Variants in PITPNM2 observed in about 807,000 individuals in gnomAD.
The protein encoded by PITPNM2 is phosphatidylinositol transfer protein membrane associated 2.
PITPNM2 carries 35 observed loss-of-function variants against 132.2 expected under a neutral mutation model. The observed-to-expected ratio is 0.26, with a 90% CI of 0.20 to 0.35. PITPNM2 has a LOEUF of 0.35. Ranked by LOEUF, PITPNM2 falls within the 10% of genes least tolerant of loss-of-function variation. The pLI, the probability that PITPNM2 is intolerant of heterozygous loss-of-function variation, is 1.00. For missense variants in PITPNM2, 1,332 were observed against 1,912.0 expected (o/e 0.70, Z 5.66); for synonymous variants, 738 against 799.2 (o/e 0.92, Z 1.29).
At position 123,028,167 on chromosome 12, in the gene PITPNM2, C is replaced by T. The variant is rs548787764; in HGVS notation, c.78+6346G>A. Among the ~76,000 whole-genome samples the T allele has an allele frequency of 3.2e-3, 487 of 152,348 alleles. 7 individuals carry two copies. Among genetic ancestry groups the T allele is most frequent in the Non-Finnish European group, 3.2e-3 (218 of 68,018 alleles). Reference sequence around the variant, plus strand: ...GTCCTGGCCAGGCCACCTCCGGCCACTCCCTCGGCGGCACACATTCGCTGA... The same window carrying T: ...GTCCTGGCCAGGCCACCTCCGGCCATTCCCTCGGCGGCACACATTCGCTGA... On this transcript the variant is annotated intron_variant, in intron 3 of 25. Transcript: ENST00000320201.
At position 123,001,173 on chromosome 12, in the gene PITPNM2, G is replaced by A. The variant is rs2038654097; in HGVS notation, c.1049-15C>T. 1 of 1,604,662 alleles carries A rather than the reference G, an allele frequency of 6.2e-7. No individual in the cohort carries two copies. Among genetic ancestry groups the A allele is most frequent in the African/African-American group, 1.3e-5 (1 of 74,762 alleles). On this transcript the variant is annotated splice_polypyrimidine_tract_variant and intron_variant, in intron 8 of 25. Transcript: ENST00000320201. ...GGACAGGTCCTCTGGAGAGGAGAGA[G>A]GGAAACTCAGGTGGGACTGGGAACG...
chr12:123,018,266 T>A (rs188550204), intron 3 of PITPNM2, among the ~76,000 whole-genome samples: 81 of 145,412 alleles, frequency 5.6e-4, no homozygotes, highest in African/African-American at 1.9e-3. Flanking sequence ...AATTTAATAA[T>A]TTTTAATTTC....
intron 3 of PITPNM2, among the ~76,000 whole-genome samples, chr12:123,020,157 G>A (rs1394008866): frequency 2.6e-5 from 4 of 152,146 alleles, no homozygotes; most frequent in Non-Finnish European, 4.4e-5. Context: ...GTCTGGCTCT[G>A]TCACCCAGGC....
chr12:122,986,329 C>A lies in PITPNM2; in HGVS notation c.3748G>T (p.Ala1250Ser), dbSNP rs756702018. 13 of 1,579,238 alleles carry A rather than the reference C, an allele frequency of 8.2e-6. No individual in the cohort carries two copies. Among genetic ancestry groups the A allele is most frequent in the Non-Finnish European group, 9.4e-6 (11 of 1,164,492 alleles). The change falls in exon 26 of 26, where the codon GCC (alanine) becomes TCC (serine). Residue 1250 changes from alanine (A) to serine (S), a missense_variant. This residue lies in a region of PITPNM2 where 163 missense variants were observed against 177.2 expected (regional missense o/e 0.92). Transcript: ENST00000320201. ...CTGTACTTCAGCTGCGCCAGGTGGG[C>A]CGCGTAGCCATCCGTGATGAACTGC... The part of the protein sequence containing the change: ...QCQFITDGYA[A>S]HLAQLKYSHR...
intron 17 of PITPNM2, 123 bp from the exon 18 acceptor site, chr12:122,990,071 G>T: frequency 1.2e-6 from 1 of 819,048 alleles, no homozygotes; most frequent in Non-Finnish European, 1.7e-6. Context: ...CGAGCCCATT[G>T]GCCCTCCTCA....
chr12:123,008,814 G>A lies in PITPNM2; in HGVS notation c.643+1036C>T, dbSNP rs758856528. Among the ~76,000 whole-genome samples, 1 of 152,182 alleles carries A rather than the reference G, an allele frequency of 6.6e-6. No homozygotes were observed. The highest frequency in any genetic ancestry group is 1.5e-5 in the Non-Finnish European group (1 of 68,036). Reference sequence around the variant, plus strand: ...CCATCGAGGCCCTGTCCACGTCTTCGCTTCTCCAAGTGGAAGACCGCGTCC... The same window carrying A: ...CCATCGAGGCCCTGTCCACGTCTTCACTTCTCCAAGTGGAAGACCGCGTCC... On this transcript the variant is annotated intron_variant, in intron 6 of 25. Transcript: ENST00000320201. The surrounding 1 kb of genome is among the most constrained non-coding windows in gnomAD (Gnocchi z 4.1).
Position 123,117,260 on chromosome 12 carries a change from C to T in PITPNM2, c.-199-6772G>A, listed in dbSNP as rs751579857. On this transcript the variant is annotated intron_variant, in intron 1 of 25. Coordinates refer to ENST00000320201, the MANE Select transcript of PITPNM2 (RefSeq NM_020845.3). The surrounding 1 kb of genome is among the most constrained non-coding windows in gnomAD (Gnocchi z 4.7). ...GAAGCCGGTGCTGAGTTTCAAACAG[C>T]GGTCGTGAGGCTGGGGAATTTCTCC... 2.0e-5 allele frequency among the ~76,000 whole-genome samples: 3 copies of T among 152,182 alleles called. No homozygotes were observed. Among genetic ancestry groups the T allele is most frequent in the Admixed American group, 1.3e-4 (2 of 15,280 alleles).
intron 3 of PITPNM2, among the ~76,000 whole-genome samples, chr12:123,015,248 A>G (rs2039373411): frequency 6.6e-6 from 1 of 152,204 alleles, no homozygotes; most frequent in Non-Finnish European, 1.5e-5. Flanking sequence ...AAAACAAAAC[A>G]AAACCAAGCT....
chr12:123,139,432 C>T (rs1388743490), intron 1 of PITPNM2, among the ~76,000 whole-genome samples: 15 of 150,202 alleles, frequency 1.0e-4, no homozygotes, highest in African/African-American at 3.2e-4. Context: ...ACCCGGGAGG[C>T]GGAGCTTGCA....
intron 8 of PITPNM2, among the ~76,000 whole-genome samples, chr12:123,002,592 T>C (rs2038745249): frequency 6.6e-6 from 1 of 152,156 alleles, no homozygotes; most frequent in African/African-American, 2.4e-5. Context: ...TTTTTATTTT[T>C]ATTTTTGTAG....
chr12:123,091,966 C>G (rs1593007544), intron 2 of PITPNM2: 1 of 152,472 alleles, frequency 6.6e-6, no homozygotes, highest in East Asian at 1.9e-4. Context: ...GAGGCCCCAG[C>G]ACAGCACTCA....
chr12:123,081,643 T>C (rs1168577510), intron 2 of PITPNM2: 1 of 152,030 alleles, frequency 6.6e-6, no homozygotes, highest in Non-Finnish European at 1.5e-5. Flanking sequence ...GAAAGGGAGG[T>C]AACTTCTCCA....
chr12:123,010,214 A>G (rs1367450970), intron 5 of PITPNM2, 137 bp from the exon 6 acceptor site: 2 of 697,526 alleles, frequency 2.9e-6, no homozygotes, highest in Non-Finnish European at 4.8e-6. Context: ...AGTGAGGATC[A>G]TGTTCTGGGC....
intron 2 of PITPNM2, among the ~76,000 whole-genome samples, chr12:123,079,953 A>G (rs919863835): frequency 6.6e-6 from 1 of 152,074 alleles, no homozygotes; most frequent in Non-Finnish European, 1.5e-5. Context: ...CCTGTCAACA[A>G]CCAATCTACT....
intron 2 of PITPNM2, among the ~76,000 whole-genome samples, chr12:123,067,273 T>C (rs1293920567): frequency 1.3e-5 from 2 of 152,060 alleles, no homozygotes; most frequent in Admixed American, 6.5e-5. Context: ...ATGGGCAACA[T>C]GGTGAAACCC....
At position 123,048,707 on chromosome 12, in the gene PITPNM2, C is replaced by T. The variant is rs117626928; in HGVS notation, c.-95-14022G>A. Among the ~76,000 whole-genome samples, 910 of 152,206 alleles carry T rather than the reference C, an allele frequency of 6.0e-3. 2 individuals are homozygous for T. The highest frequency in any genetic ancestry group is 9.4e-3 in the Non-Finnish European group (637 of 68,026). On this transcript the variant is annotated intron_variant, in intron 2 of 25. Transcript: ENST00000320201. ...GATTACAGGCGTGAGCCACCGCGCC[C>T]GGCTGGGTAGTTAGTGTTTAATGAG... is the stretch of plus-strand genomic sequence containing the variant.
intron 2 of PITPNM2, among the ~76,000 whole-genome samples, chr12:123,061,358 C>A (rs2041229711): frequency 6.6e-6 from 1 of 152,216 alleles, no homozygotes; most frequent in Non-Finnish European, 1.5e-5. Context: ...GTGAGGGCAG[C>A]CAACCCTAAG....
rs750278138 is a variant in PITPNM2 at position 123,034,614 on chromosome 12, G to A, written c.-24C>T. On this transcript the variant is annotated 5_prime_UTR_variant, in exon 3 of 26. Transcript: ENST00000320201. The stretch of plus-strand genomic sequence containing the variant: ...ATCTTGGAGTCCAAGCCTTCCCGTC[G>A]ATGGGGAACTGCAAGTTGGGACTTC... The A allele has an allele frequency of 4.4e-5, 70 of 1,607,304 alleles. 1 individual carries two copies. The South Asian group carries it at 6.4e-4, about 15-fold the overall frequency.
chr12:122,990,069 T>C (rs1012079239), intron 17 of PITPNM2, 121 bp from the exon 18 acceptor site: 66 of 825,154 alleles, frequency 8.0e-5, no homozygotes, highest in South Asian at 3.2e-4. Flanking sequence ...GGCGAGCCCA[T>C]TGGCCCTCCT....
Sources: gnomAD v4.1 joint callset for allele counts (sites outside exome capture counted in the v4.1 genomes callset) on GRCh38, gnomAD v4.1.1 for gene constraint, gnomAD v4.1.1 regional missense constraint, Gnocchi (gnomAD v3.1) non-coding constraint, MANE v1.5 for transcripts, NCBI Gene and HGNC (gene_info 2026-07-23, HGNC 2026-07-21) for gene names.